GUF1: variants seen among roughly 807,000 people sequenced by gnomAD.
The protein encoded by GUF1 is translation factor GUF1, mitochondrial.
Under a neutral mutation model 82.4 loss-of-function variants are expected in GUF1, and 78 were observed. The ratio of observed to expected loss-of-function variants is 0.95; its 90% CI spans 0.79 to 1.14. The LOEUF (loss-of-function observed/expected upper bound fraction) is 1.14, where lower values mean the gene tolerates loss of function less well. Ranked by LOEUF, GUF1 falls within the 50% of genes most tolerant of loss-of-function variation. The probability of loss-of-function intolerance (pLI) is 0.00; values close to 1 mark genes in which losing one functional copy is unlikely to be tolerated. For synonymous variants in GUF1, 279 were observed against 282.3 expected, an observed-to-expected ratio of 0.99 and a Z score of 0.12; for missense variants, 814 against 798.2, an observed-to-expected ratio of 1.02 and a Z score of -0.24.
At chr4:44,684,405 G>A (rs1235716630) in intron 6 of GUF1, among the ~76,000 whole-genome samples, 1 of 152,088 alleles carries the variant, frequency 6.6e-6, no homozygotes, top group Admixed American at 6.6e-5. Context: ...GATCAGAAAG[G>A]TTGATTGGAT....
intron 15 of GUF1, among the ~76,000 whole-genome samples, chr4:44,697,066 T>A (rs1715873170): frequency 1.3e-5 from 2 of 152,220 alleles, no homozygotes; most frequent in Admixed American, 1.3e-4. Context: ...ATTTTTAGAT[T>A]GGTAATTTTT....
At chr4:44,683,424 A>G (rs906541247) in intron 6 of GUF1, 106 bp downstream of exon 6, 1 of 602,802 alleles carries the variant, frequency 1.7e-6, no homozygotes, top group South Asian at 2.5e-5. Flanking sequence ...GCTGTTTTTT[A>G]TAGTTTTACA....
chr4:44,679,008 T>G (rs1387036553), intron 1 of GUF1, among the ~76,000 whole-genome samples: 1 of 152,206 alleles, frequency 6.6e-6, no homozygotes, highest in Non-Finnish European at 1.5e-5. Flanking sequence ...GGTTTTCTCA[T>G]TTTCAATGTC....
chr4:44,698,640 G>C lies in GUF1; in HGVS notation c.1969G>C (p.Asp657His). 6.2e-7 allele frequency: 1 copy of C among 1,607,958 alleles called. No individual in the cohort carries two copies. The highest frequency in any genetic ancestry group is 8.5e-7 in the Non-Finnish European group (1 of 1,178,230). The change falls in exon 17 of 17, where the codon GAT becomes CAT. Residue 657 changes from aspartate to histidine, a missense_variant. Physicochemically the swap from Asp to His is moderately conservative, Grantham distance 81. Coordinates refer to ENST00000281543, the MANE Select transcript of GUF1 (RefSeq NM_021927.3). ...RKIGNVEVPK[D>H]AFIKVLKTQS... ...AATTGGCAACGTTGAAGTTCCAAAA[G>C]ATGCTTTTATAAAAGTTCTGAAAAC...
intron 6 of GUF1, among the ~76,000 whole-genome samples, chr4:44,684,195 T>C (rs1714924972): frequency 6.6e-6 from 1 of 152,128 alleles, no homozygotes; most frequent in Non-Finnish European, 1.5e-5. Context: ...GACAAATTGT[T>C]ATTATTCTAG....
Position 44,678,429 on chromosome 4 carries a change from C to T in GUF1, c.-194C>T. 1 of 489,238 alleles carries T rather than the reference C, an allele frequency of 2.0e-6. No homozygotes were observed. Among genetic ancestry groups the T allele is most frequent in the Non-Finnish European group, 3.5e-6 (1 of 288,576 alleles). 30.3% of individuals were successfully genotyped at this position (489,238 alleles called of 1,614,324 possible). A position where few individuals can be genotyped will look rare whatever the true frequency, so the allele number is the denominator to read the frequency against. ...ACAGCGTGCGGCGTGCAGACGTCGGCAAGCTGCGCCGCCGCTTCGGGTTGC... is the reference window on the plus strand; with the variant it reads ...ACAGCGTGCGGCGTGCAGACGTCGGTAAGCTGCGCCGCCGCTTCGGGTTGC... On this transcript the variant is annotated 5_prime_UTR_variant, in exon 1 of 17. Transcript: ENST00000281543.
chr4:44,687,920 T>C, intron 8 of GUF1, 87 bp from the exon 9 acceptor site: 1 of 1,200,414 alleles, frequency 8.3e-7, no homozygotes, highest in Non-Finnish European at 1.2e-6. Context: ...AAGTGTATGA[T>C]AGTTTCCTGG....
At chr4:44,689,799 C>T (rs200482365) in intron 10 of GUF1, 44 bp from the exon 11 acceptor site, 306 of 1,527,184 alleles carry the variant, frequency 2.0e-4, no homozygotes, top group Non-Finnish European at 2.4e-4. Flanking sequence ...AAAATGAAGC[C>T]CATGGGACAT....
chr4:44,692,366 CAAAT>C (rs1160473102), intron 13 of GUF1, among the ~76,000 whole-genome samples: 2 of 151,804 alleles, frequency 1.3e-5, no homozygotes, highest in Non-Finnish European at 2.9e-5. Context: ...TATTAAATAA[CAAAT>C]AAGAAACTCA....
rs770418349 is a variant in GUF1, at chr4:44,698,597, G to GA, written c.1934dup (p.Leu646AlafsTer8). On this transcript the variant is annotated frameshift_variant, in exon 17 of 17. Transcript: ENST00000281543. LOFTEE classifies it high-confidence loss of function. ...AGCTTTTGAAGAGACAAGCAGAAGG[G>GA]AAAAAAAAGCTGAGGAAAATTGGCA... 48 of 1,606,592 alleles carry GA rather than the reference G, an allele frequency of 3.0e-5. No homozygotes were observed. The highest frequency in any genetic ancestry group is 1.7e-4 in the Middle Eastern group (1 of 6,042).
At position 44,686,724 on chromosome 4, in the gene GUF1, T is replaced by A; in HGVS notation, c.938+11T>A. On this transcript the variant is annotated intron_variant, in intron 8 of 16. Coordinates refer to ENST00000281543, the MANE Select transcript of GUF1 (RefSeq NM_021927.3). ...GCCAACTCATAAATTGTAAGTAATC[T>A]GCATTAGTAAAATTAAAATGCATTT... 6.5e-7 allele frequency: 1 copy of A among 1,547,070 alleles called. No individual in the cohort carries two copies. Among genetic ancestry groups the A allele is most frequent in the Non-Finnish European group, 8.9e-7 (1 of 1,120,206 alleles).
chr4:44,693,470 C>T (rs544839549), intron 13 of GUF1, among the ~76,000 whole-genome samples: 1 of 151,628 alleles, frequency 6.6e-6, no homozygotes, highest in South Asian at 2.1e-4. Flanking sequence ...AACATGGTAT[C>T]TTTCATACAG....
At chr4:44,694,352 G>GTAATAA (rs1238423767) in intron 13 of GUF1, 60 bp from the exon 14 acceptor site, 3 of 958,392 alleles carry the variant, frequency 3.1e-6, no homozygotes, top group African/African-American at 1.6e-5. Context: ...AGAGTAAAGA[G>GTAATAA]TAATAAAGGT....
chr4:44,694,965 C>G (rs1441883575), intron 14 of GUF1, among the ~76,000 whole-genome samples: 1 of 152,056 alleles, frequency 6.6e-6, no homozygotes, highest in Non-Finnish European at 1.5e-5. Context: ...TGCTACCATG[C>G]CCGGCTAATT....
chr4:44,680,944 C>A, intron 3 of GUF1, 102 bp downstream of exon 3: 1 of 1,181,084 alleles, frequency 8.5e-7, no homozygotes, highest in African/African-American at 1.5e-5. Flanking sequence ...TAAACATCTG[C>A]CTTTGCTTTT....
chr4:44,689,670 A>G (rs1465715119), intron 10 of GUF1, among the ~76,000 whole-genome samples, 173 bp from the exon 11 acceptor site: 1 of 151,686 alleles, frequency 6.6e-6, no homozygotes, highest in African/African-American at 2.4e-5. Flanking sequence ...TAGATTCCCA[A>G]TGGAAGATTT....
intron 14 of GUF1, among the ~76,000 whole-genome samples, chr4:44,695,118 A>T (rs1715719981): frequency 2.6e-5 from 4 of 152,146 alleles, no homozygotes; most frequent in Admixed American, 2.6e-4. Context: ...TTGTAAAAAA[A>T]TTATAAAAAG....
intron 16 of GUF1, among the ~76,000 whole-genome samples, chr4:44,697,681 T>G (rs1715922906): frequency 7.0e-6 from 1 of 142,130 alleles, no homozygotes; most frequent in Non-Finnish European, 1.6e-5. Context: ...AAATTGTTCT[T>G]ATATGTAATA....
chr4:44,693,254 A>G (rs1197304659), intron 13 of GUF1, among the ~76,000 whole-genome samples: 3 of 152,084 alleles, frequency 2.0e-5, no homozygotes, highest in Admixed American at 6.5e-5. Flanking sequence ...TAGAATACCT[A>G]TGTTTTCAAT....
Sources: allele counts gnomAD v4.1 joint callset (sites outside exome capture counted in the v4.1 genomes callset), GRCh38; gene constraint gnomAD v4.1.1; transcripts MANE v1.5; gene names NCBI Gene and HGNC (gene_info 2026-07-23, HGNC 2026-07-21).